CD247: variants seen among roughly 807,000 people sequenced by gnomAD.
CD247 encodes the protein CD247 molecule.
In CD247, 13 loss-of-function variants were observed where a neutral mutation model predicts 30.0. That is an observed-to-expected ratio of 0.43 (90% CI 0.28 to 0.69). The LOEUF is 0.69. Ranked by LOEUF, CD247 falls within the 30% of genes least tolerant of loss-of-function variation. The pLI, the probability that CD247 is intolerant of heterozygous loss-of-function variation, is 0.16. For missense variants in CD247, 193 were observed against 212.6 expected, an observed-to-expected ratio of 0.91 and a Z score of 0.57; for synonymous variants, 72 against 80.0, an observed-to-expected ratio of 0.90 and a Z score of 0.53.
intron 1 of CD247, among the ~76,000 whole-genome samples, chr1:167,472,974 C>A (rs1211184296): frequency 6.6e-6 from 1 of 152,084 alleles, no homozygotes; most frequent in African/African-American, 2.4e-5. Flanking sequence ...TCCCGGCAGC[C>A]CCTGCCCACC....
chr1:167,454,400 A>C (rs901211578), intron 1 of CD247, among the ~76,000 whole-genome samples: 3 of 152,252 alleles, frequency 2.0e-5, no homozygotes, highest in Non-Finnish European at 2.9e-5. Context: ...CAACCAAAAC[A>C]AAAACAAATA....
chr1:167,499,085 G>C (rs552502731), intron 1 of CD247, among the ~76,000 whole-genome samples: 1 of 152,302 alleles, frequency 6.6e-6, no homozygotes, highest in Non-Finnish European at 1.5e-5. Context: ...ATCACGGAGT[G>C]ATTGATCAAC....
intron 1 of CD247, chr1:167,448,326 C>T (rs1349344748): frequency 1.0e-6 from 1 of 984,210 alleles, no homozygotes; most frequent in African/African-American, 1.7e-5. Context: ...AGGTCTTAAC[C>T]ACCACTTGGT....
In CD247 at chr1:167,514,200, G is replaced by A. The variant is rs188085085; in HGVS notation, c.58+4208C>T. On this transcript the variant is annotated intron_variant, in intron 1 of 7. Coordinates refer to ENST00000362089, the MANE Select transcript of CD247 (RefSeq NM_198053.3). ...CGCCCAGGCTGGAGTGCAGTGGTAC[G>A]ATCTCAGCTCACTGCAACCTCCGCC... Among the ~76,000 whole-genome samples, 17 of 152,042 alleles carry A rather than the reference G, an allele frequency of 1.1e-4. 1 individual carries two copies. In the East Asian group the frequency reaches 2.7e-3, roughly 24 times the overall value.
chr1:167,441,979 C>T (rs1651852856), intron 1 of CD247, among the ~76,000 whole-genome samples: 1 of 152,080 alleles, frequency 6.6e-6, no homozygotes, highest in Non-Finnish European at 1.5e-5. Flanking sequence ...GGCGTGGTGG[C>T]TGGCAGCTTT....
chr1:167,450,911 CA>C (rs35555237), intron 1 of CD247, among the ~76,000 whole-genome samples: 98,641 of 116,532 alleles, frequency 0.85, 41,199 homozygotes, highest in East Asian at 0.95. Flanking sequence ...GCATCTGTCT[CA>C]AAAAAAAAAA....
rs1363065021 is a variant in CD247 at position 167,494,124 on chromosome 1, G to T, written c.58+24284C>A. On this transcript the variant is annotated intron_variant, in intron 1 of 7. Transcript: ENST00000362089. The surrounding 1 kb of genome is among the most constrained non-coding windows in gnomAD (Gnocchi z 7.3). ...GTACCCAGAGCTAATAGGAGAAGAG[G>T]ACAAGCAGGGGGACAGAACTGAGTC... is the stretch of plus-strand genomic sequence containing the variant. 6.6e-6 allele frequency among the ~76,000 whole-genome samples: 1 copy of T among 152,034 alleles called. No individual in the cohort carries two copies. The highest frequency in any genetic ancestry group is 2.4e-5 in the African/African-American group (1 of 41,372).
chr1:167,444,832 T>C (rs941992640), intron 1 of CD247, among the ~76,000 whole-genome samples: 5 of 152,214 alleles, frequency 3.3e-5, no homozygotes, highest in Admixed American at 1.3e-4. Context: ...CTGAACTGTG[T>C]ATTATGGAAC....
intron 1 of CD247, among the ~76,000 whole-genome samples, chr1:167,504,888 C>T (rs576184086): frequency 2.3e-4 from 35 of 152,208 alleles, no homozygotes; most frequent in African/African-American, 7.5e-4. Flanking sequence ...AATCTGGGCA[C>T]GTCTCTATTT....
intron 1 of CD247, among the ~76,000 whole-genome samples, chr1:167,448,772 A>G (rs1037568234): frequency 1.3e-5 from 2 of 152,202 alleles, no homozygotes; most frequent in African/African-American, 4.8e-5. Flanking sequence ...GAGGCAAAAG[A>G]ATCGCTTGAA....
At chr1:167,468,105 A>C (rs559544197) in intron 1 of CD247, among the ~76,000 whole-genome samples, 2 of 152,222 alleles carry the variant, frequency 1.3e-5, no homozygotes, top group Admixed American at 6.5e-5. Context: ...ATACACATAC[A>C]TTTTAGGCAT....
chr1:167,490,230 G>A (rs1654388517), intron 1 of CD247, among the ~76,000 whole-genome samples: 1 of 152,214 alleles, frequency 6.6e-6, no homozygotes, highest in Middle Eastern at 3.2e-3. Context: ...GACTCTGCCT[G>A]CAAAGCTTCT....
intron 1 of CD247, among the ~76,000 whole-genome samples, chr1:167,487,536 C>A (rs1654265808): frequency 1.3e-5 from 2 of 152,192 alleles, no homozygotes; most frequent in South Asian, 2.1e-4. Context: ...CAGCCTGGCA[C>A]CTCCATCCAA....
intron 1 of CD247, among the ~76,000 whole-genome samples, chr1:167,515,848 C>A (rs550440309): frequency 6.6e-6 from 1 of 152,166 alleles, no homozygotes; most frequent in African/African-American, 2.4e-5. Context: ...GAAGACAGTC[C>A]GAGATGTAAT....
intron 1 of CD247, among the ~76,000 whole-genome samples, chr1:167,470,504 T>TA (rs55679205): frequency 0.012 from 1,455 of 122,232 alleles, 23 homozygotes; most frequent in East Asian, 0.087. Context: ...ATGTTAATTG[T>TA]AAAAAAAAAA....
chr1:167,440,162 C>G, intron 2 of CD247: 1 of 191,058 alleles, frequency 5.2e-6, no homozygotes, highest in Non-Finnish European at 1.1e-5. Flanking sequence ...GGACTGGATT[C>G]TCCCCTTTAC....
intron 1 of CD247, among the ~76,000 whole-genome samples, chr1:167,501,772 A>G (rs935470972): frequency 2.0e-4 from 30 of 152,236 alleles, no homozygotes; most frequent in African/African-American, 7.0e-4. Context: ...AGGAGGGGCC[A>G]GCCACAGCTG....
chr1:167,498,606 T>C (rs758048056), intron 1 of CD247, among the ~76,000 whole-genome samples: 10 of 152,226 alleles, frequency 6.6e-5, no homozygotes, highest in Non-Finnish European at 1.2e-4. Flanking sequence ...CTGGGCCCAT[T>C]ACACACATTT....
chr1:167,474,465 G>T (rs548902811), intron 1 of CD247, among the ~76,000 whole-genome samples: 8 of 152,176 alleles, frequency 5.3e-5, no homozygotes, highest in Non-Finnish European at 1.0e-4. Context: ...GGCTCAAAGA[G>T]ATCTTTTTAG....
Sources: gnomAD v4.1 joint callset for allele counts (sites outside exome capture counted in the v4.1 genomes callset) on GRCh38, gnomAD v4.1.1 for gene constraint, Gnocchi (gnomAD v3.1) non-coding constraint, MANE v1.5 for transcripts, NCBI Gene and HGNC (gene_info 2026-07-23, HGNC 2026-07-21) for gene names.